TMEM132C: variants seen among roughly 807,000 people sequenced by gnomAD.
TMEM132C encodes transmembrane protein 132C.
Under a neutral mutation model 61.4 loss-of-function variants are expected in TMEM132C, and 29 were observed. That is an observed-to-expected ratio of 0.47 (90% CI 0.35 to 0.64). The LOEUF (loss-of-function observed/expected upper bound fraction) is 0.64, where lower values mean the gene tolerates loss of function less well. Among genes scored for constraint, TMEM132C ranks in the 30% least tolerant of loss-of-function variants. TMEM132C has a pLI of 0.00. For missense variants in TMEM132C, 1,408 were observed against 1,476.9 expected, an observed-to-expected ratio of 0.95 and a Z score of 0.76; for synonymous variants, 656 against 633.1, an observed-to-expected ratio of 1.04 and a Z score of -0.54.
intron 1 of TMEM132C, among the ~76,000 whole-genome samples, chr12:128,384,379 A>C (rs1274973297): frequency 6.6e-6 from 1 of 152,162 alleles, no homozygotes; most frequent in Non-Finnish European, 1.5e-5. Context: ...TGCCATCCCC[A>C]GCCTCGATGA....
At chr12:128,268,605 C>G (rs1191124574) in intron 1 of TMEM132C, among the ~76,000 whole-genome samples, 1 of 152,154 alleles carries the variant, frequency 6.6e-6, no homozygotes. Context: ...GGTCCAGTAT[C>G]GGCCCCAGGC....
intron 2 of TMEM132C, among the ~76,000 whole-genome samples, chr12:128,477,926 G>C (rs992897392): frequency 6.6e-6 from 1 of 152,144 alleles, no homozygotes; most frequent in Non-Finnish European, 1.5e-5. Context: ...ATGAAACTTG[G>C]TCTTGGTCTC....
intron 3 of TMEM132C, among the ~76,000 whole-genome samples, chr12:128,554,658 C>T (rs1387656290): frequency 6.6e-6 from 1 of 152,182 alleles, no homozygotes; most frequent in Non-Finnish European, 1.5e-5. Flanking sequence ...TCTGGGAACT[C>T]GACTGTGCCT....
chr12:128,276,563 T>C (rs966256282), intron 1 of TMEM132C, among the ~76,000 whole-genome samples: 1 of 152,198 alleles, frequency 6.6e-6, no homozygotes, highest in Admixed American at 6.5e-5. Context: ...TCCTTCTGAG[T>C]TCTCAGAGTC....
intron 2 of TMEM132C, among the ~76,000 whole-genome samples, chr12:128,497,931 T>C (rs1254001785): frequency 6.6e-6 from 1 of 152,116 alleles, no homozygotes; most frequent in Non-Finnish European, 1.5e-5. Context: ...TGCTGGGAGC[T>C]GTAGACTGAA....
intron 2 of TMEM132C, among the ~76,000 whole-genome samples, chr12:128,481,312 C>G (rs984968702): frequency 3.3e-5 from 5 of 152,184 alleles, no homozygotes; most frequent in African/African-American, 1.2e-4. Flanking sequence ...ATGTAGAAAA[C>G]AAGGCACTGG....
chr12:128,519,284 A>G (rs1012273768), intron 2 of TMEM132C, among the ~76,000 whole-genome samples: 1 of 152,186 alleles, frequency 6.6e-6, no homozygotes, highest in Non-Finnish European at 1.5e-5. Flanking sequence ...ACCACATTTT[A>G]TTATCCAAAC....
At chr12:128,357,732 A>C (rs1873561119) in intron 1 of TMEM132C, among the ~76,000 whole-genome samples, 1 of 151,294 alleles carries the variant, frequency 6.6e-6, no homozygotes, top group Non-Finnish European at 1.5e-5. Context: ...AGCCCAAAGA[A>C]GCAAATATTC....
intron 1 of TMEM132C, among the ~76,000 whole-genome samples, chr12:128,327,361 GGTTT>G (rs72370132): frequency 0.16 from 23,195 of 146,872 alleles, 3,703 homozygotes; most frequent in African/African-American, 0.36. Context: ...GGCGCAGCTT[GGTTT>G]GTTTGTTTGT....
intron 5 of TMEM132C, among the ~76,000 whole-genome samples, chr12:128,686,152 A>G (rs553965403): frequency 2.0e-5 from 3 of 151,794 alleles, no homozygotes; most frequent in South Asian, 2.1e-4. Flanking sequence ...ATATGTGTGT[A>G]TGTGTGTGAT....
rs143794070 is a variant in TMEM132C at position 128,349,106 on chromosome 12, T to C, written c.86-65626T>C. ...GCAACATGTGCCTCCCAGGTTCAAG[T>C]GATTCTCCTGGCTCAGCCTCCCAAG... On this transcript the variant is annotated intron_variant, in intron 1 of 8. Coordinates refer to ENST00000435159, the MANE Select transcript of TMEM132C (RefSeq NM_001136103.3). 5.4e-3 allele frequency among the ~76,000 whole-genome samples: 816 copies of C among 152,242 alleles called. 9 individuals carry two copies. The highest frequency in any genetic ancestry group is 0.019 in the African/African-American group (777 of 41,544).
intron 2 of TMEM132C, among the ~76,000 whole-genome samples, chr12:128,467,488 A>G (rs1157487410): frequency 6.6e-6 from 1 of 152,268 alleles, no homozygotes; most frequent in East Asian, 1.9e-4. Context: ...AGCAATTGTT[A>G]TGGATGATTG....
intron 2 of TMEM132C, among the ~76,000 whole-genome samples, chr12:128,454,315 G>A (rs1870273944): frequency 6.6e-6 from 1 of 152,128 alleles, no homozygotes; most frequent in Admixed American, 6.5e-5. Context: ...ACTACTGGTG[G>A]CCTACCCAGC....
At chr12:128,282,025 G>T (rs1870915279) in intron 1 of TMEM132C, among the ~76,000 whole-genome samples, 1 of 152,156 alleles carries the variant, frequency 6.6e-6, no homozygotes, top group African/African-American at 2.4e-5. Context: ...ATACATAGTG[G>T]AAAATGGCTG....
At chr12:128,620,438 C>T (rs780876824) in intron 4 of TMEM132C, among the ~76,000 whole-genome samples, 69 of 152,086 alleles carry the variant, frequency 4.5e-4, no homozygotes, top group African/African-American at 1.2e-3. Flanking sequence ...AGTGATCAGA[C>T]GCTGCTGTCA....
At chr12:128,268,772 A>C (rs995599294) in intron 1 of TMEM132C, among the ~76,000 whole-genome samples, 1 of 151,082 alleles carries the variant, frequency 6.6e-6, no homozygotes, top group Non-Finnish European at 1.5e-5. Flanking sequence ...AGAAAAATCT[A>C]CTTTCCTTGA....
chr12:128,337,730 C>T (rs146562097), intron 1 of TMEM132C, among the ~76,000 whole-genome samples: 14 of 152,284 alleles, frequency 9.2e-5, no homozygotes, highest in African/African-American at 2.9e-4. Flanking sequence ...AGTCTCCTTG[C>T]TGTTTCTTTT....
intron 3 of TMEM132C, among the ~76,000 whole-genome samples, chr12:128,567,841 A>G (rs1565976518): frequency 6.6e-6 from 1 of 152,214 alleles, no homozygotes; most frequent in Non-Finnish European, 1.5e-5. Context: ...CTAGGCTACA[A>G]TGCCTGTCTC....
intron 3 of TMEM132C, among the ~76,000 whole-genome samples, chr12:128,568,169 C>T (rs996632619): frequency 2.6e-5 from 4 of 152,208 alleles, no homozygotes; most frequent in Non-Finnish European, 5.9e-5. Context: ...TTCAAAAACA[C>T]CTCTTAACAA....
Sources: gnomAD v4.1 joint callset for allele counts (sites outside exome capture counted in the v4.1 genomes callset) on GRCh38, gnomAD v4.1.1 for gene constraint, MANE v1.5 for transcripts, NCBI Gene and HGNC (gene_info 2026-07-23, HGNC 2026-07-21) for gene names.